Variants in RAPGEF6 observed in about 807,000 individuals in gnomAD.
The protein encoded by RAPGEF6 is PDZ domain containing guanine nucleotide exchange factor (GEF) 2.
A neutral mutation model predicts 171.4 loss-of-function variants in RAPGEF6; 56 were observed. The ratio of observed to expected loss-of-function variants is 0.33; its 90% confidence interval spans 0.26 to 0.41. RAPGEF6 has a LOEUF of 0.41. Ranked by LOEUF, RAPGEF6 falls within the 10% of genes least tolerant of loss-of-function variation. The pLI, the probability that RAPGEF6 is intolerant of heterozygous loss-of-function variation, is 1.00. For synonymous variants in RAPGEF6, 692 were observed against 650.1 expected, an observed-to-expected ratio of 1.06 and a Z score of -0.98; for missense variants, 1,674 against 1,921.4, an observed-to-expected ratio of 0.87 and a Z score of 2.41.
rs1754152905 is a variant in RAPGEF6, at chr5:131,464,180, C to G, written c.2341G>C (p.Val781Leu). 1 of 1,613,762 alleles carries G rather than the reference C, an allele frequency of 6.2e-7. No individual in the cohort carries two copies. The highest frequency in any genetic ancestry group is 1.3e-5 in the African/African-American group (1 of 75,036). Residue 781 changes from valine (V) to leucine (L), a missense_variant, in exon 18 of 28, where the codon GTT (valine) becomes CTT (leucine). Physicochemically the swap from Val to Leu is conservative, Grantham distance 32. Transcript: ENST00000509018. Reference sequence around the variant, plus strand: ...GCACCGGTCAAACCAAATTCATGAACAGCATGAAAAACTACTTCTTTAGCT... The same window carrying G: ...GCACCGGTCAAACCAAATTCATGAAGAGCATGAAAAACTACTTCTTTAGCT... ...TTAKEVVFHA[V>L]HEFGLTGASD...
chr5:131,463,907 T>C, intron 18 of RAPGEF6, 134 bp downstream of exon 18: 6 of 1,410,044 alleles, frequency 4.3e-6, no homozygotes, highest in Non-Finnish European at 5.5e-6. Flanking sequence ...GACAAGATAT[T>C]TTATCAAGCG....
At chr5:131,597,318 A>G (rs1374330076) in intron 3 of RAPGEF6, among the ~76,000 whole-genome samples, 5 of 152,110 alleles carry the variant, frequency 3.3e-5, no homozygotes, top group African/African-American at 1.2e-4. Context: ...GTTACTAAAA[A>G]AAAAAAAAAT....
chr5:131,464,367 C>A, intron 17 of RAPGEF6, 86 bp from the exon 18 acceptor site: 5 of 931,028 alleles, frequency 5.4e-6, no homozygotes, highest in Non-Finnish European at 8.6e-6. Context: ...CACAGTGATC[C>A]CTCTGAACAC....
chr5:131,528,336 T>TACACACACACACAC (rs1759120860), intron 6 of RAPGEF6, among the ~76,000 whole-genome samples: 1 of 24,466 alleles, frequency 4.1e-5, no homozygotes, highest in African/African-American at 8.0e-5. Context: ...TATATATATA[T>TACACACACACACAC]ATACACACAC....
Position 131,492,645 on chromosome 5 carries a change from A to T in RAPGEF6, c.1668T>A (p.Ile556=). The change falls in exon 14 of 28, where the codon ATT becomes ATA. Residue 556 remains isoleucine (I), a synonymous_variant. Coordinates refer to ENST00000509018, the MANE Select transcript of RAPGEF6 (RefSeq NM_016340.6). ...LNGGSEKGFG[I]FVEGVEPGSK... is the part of the protein sequence containing the mutation. ...TACCAGGTTCTACTCCTTCAACAAA[A>T]ATACCAAATCCCTTCTCACTCCCTC... is the stretch of plus-strand genomic sequence containing the variant. The T allele has an allele frequency of 1.9e-6, 3 of 1,614,178 alleles. No individual in the cohort carries two copies. The highest frequency in any genetic ancestry group is 2.5e-6 in the Non-Finnish European group (3 of 1,180,034).
chr5:131,593,288 A>T (rs1487104807), intron 3 of RAPGEF6, among the ~76,000 whole-genome samples: 1 of 152,198 alleles, frequency 6.6e-6, no homozygotes, highest in African/African-American at 2.4e-5. Flanking sequence ...TAGCTCCACA[A>T]TGTTATCCCA....
intron 16 of RAPGEF6, among the ~76,000 whole-genome samples, chr5:131,477,176 A>G (rs914836562): frequency 3.3e-5 from 5 of 152,212 alleles, no homozygotes; most frequent in Non-Finnish European, 5.9e-5. Context: ...GAAATATAAG[A>G]TACATTCTCC....
In RAPGEF6 at chr5:131,429,285, A is replaced by G. The variant is rs151005232; in HGVS notation, c.4466-69T>C. 28 of 1,296,602 alleles carry G rather than the reference A, an allele frequency of 2.2e-5. No individual in the cohort carries two copies. In the African/African-American group the frequency reaches 3.4e-4, roughly 16 times the overall value. The allele number at this position is 1,296,602 out of a possible 1,614,324, so 80.3% of individuals were successfully genotyped here. A position where few individuals can be genotyped will look rare whatever the true frequency, so the allele number is the denominator to read the frequency against. On this transcript the variant is annotated intron_variant, in intron 26 of 27. Transcript: ENST00000509018. ...TGGAAAAAAAAAGAAACCACCCCAC[A>G]AACTTATTACAATGACAAAATACAA...
At chr5:131,607,783 G>A (rs543110441) in intron 1 of RAPGEF6, among the ~76,000 whole-genome samples, 49 of 152,190 alleles carry the variant, frequency 3.2e-4, no homozygotes, top group African/African-American at 1.2e-3. Flanking sequence ...GAAGTTTTTC[G>A]GGATACAGTG....
chr5:131,623,787 G>C (rs1213516725), intron 1 of RAPGEF6, among the ~76,000 whole-genome samples: 1 of 152,066 alleles, frequency 6.6e-6, no homozygotes, highest in Non-Finnish European at 1.5e-5. Flanking sequence ...GCCCGGCCTT[G>C]ATTTTCTTTT....
intron 17 of RAPGEF6, chr5:131,469,900 T>C (rs933792872): frequency 7.7e-5 from 80 of 1,042,006 alleles, no homozygotes; most frequent in Non-Finnish European, 9.3e-5. Context: ...CACTTTCATT[T>C]TGATCTAGTA....
intron 6 of RAPGEF6, among the ~76,000 whole-genome samples, chr5:131,534,735 C>T (rs1237629528): frequency 1.3e-5 from 2 of 151,364 alleles, no homozygotes; most frequent in South Asian, 2.1e-4. Context: ...ATAGTAGGTA[C>T]TTTGTATGTA....
intron 19 of RAPGEF6, among the ~76,000 whole-genome samples, chr5:131,458,302 T>G (rs116069962): frequency 0.051 from 7,781 of 152,214 alleles, 266 homozygotes; most frequent in Non-Finnish European, 0.077. Flanking sequence ...GATCTGATGG[T>G]TTAAAAGTGT....
chr5:131,498,718 G>A, intron 11 of RAPGEF6, 111 bp from the exon 12 acceptor site: 1 of 1,006,404 alleles, frequency 9.9e-7, no homozygotes, highest in Non-Finnish European at 1.5e-6. Context: ...AATCGTCAAA[G>A]TACAGTTTCG....
chr5:131,456,075 G>T, intron 19 of RAPGEF6, 63 bp from the exon 20 acceptor site: 1 of 1,141,984 alleles, frequency 8.8e-7, no homozygotes, highest in African/African-American at 1.6e-5. Context: ...ACTCAGGTCA[G>T]CATATACACC....
At chr5:131,440,758 A>G (rs577463921) in intron 23 of RAPGEF6, among the ~76,000 whole-genome samples, 1,682 of 149,630 alleles carry the variant, frequency 0.011, 38 homozygotes, top group African/African-American at 0.039. Flanking sequence ...AAAAAAAAAA[A>G]AAAGAAAGAA....
chr5:131,511,640 G>T (rs1017082091), intron 7 of RAPGEF6, among the ~76,000 whole-genome samples: 4 of 151,862 alleles, frequency 2.6e-5, no homozygotes, highest in African/African-American at 9.7e-5. Flanking sequence ...GGGAACACAG[G>T]TATGCACCAC....
At chr5:131,516,073 T>G (rs1307828229) in intron 7 of RAPGEF6, among the ~76,000 whole-genome samples, 3 of 8,546 alleles carry the variant, frequency 3.5e-4, no homozygotes, top group Admixed American at 7.1e-4. Context: ...TTTTTTTTTT[T>G]TTTTTTTTTT....
At chr5:131,480,833 A>T (rs1014692214) in intron 15 of RAPGEF6, among the ~76,000 whole-genome samples, 2 of 151,834 alleles carry the variant, frequency 1.3e-5, no homozygotes, top group African/African-American at 4.8e-5. Flanking sequence ...GGTCACATTT[A>T]TGAGGCTATG....
Sources: allele counts gnomAD v4.1 joint callset (sites outside exome capture counted in the v4.1 genomes callset), GRCh38; gene constraint gnomAD v4.1.1; transcripts MANE v1.5; gene names NCBI Gene and HGNC (gene_info 2026-07-23, HGNC 2026-07-21).